Variants in POLR1A observed in about 807,000 individuals in gnomAD.
POLR1A encodes DNA-directed RNA polymerase I subunit RPA1.
In POLR1A, 84 loss-of-function variants were observed where a neutral mutation model predicts 205.3. The ratio of observed to expected loss-of-function variants is 0.41; its 90% CI spans 0.34 to 0.49. The LOEUF (loss-of-function observed/expected upper bound fraction) is 0.49. POLR1A is among the 20% of genes least tolerant of loss of function. POLR1A has a pLI of 0.22. For missense variants in POLR1A, 1,645 were observed against 2,204.5 expected, an observed-to-expected ratio of 0.75 and a Z score of 5.08; for synonymous variants, 799 against 863.7, an observed-to-expected ratio of 0.93 and a Z score of 1.31.
chr2:86,104,446 A>AG (rs1673880020), intron 1 of POLR1A, among the ~76,000 whole-genome samples: 1 of 97,878 alleles, frequency 1.0e-5, no homozygotes, highest in African/African-American at 3.7e-5. Flanking sequence ...TGCCGTGTTG[A>AG]GTTTTTTTTT....
chr2:86,032,456 C>A, intron 28 of POLR1A, 74 bp from the exon 29 acceptor site: 1 of 1,054,684 alleles, frequency 9.5e-7, no homozygotes. Flanking sequence ...CATCCACCCA[C>A]CAACCCATCC....
chr2:86,100,532 TGTC>T (rs1673799408), intron 1 of POLR1A, among the ~76,000 whole-genome samples: 1 of 149,864 alleles, frequency 6.7e-6, no homozygotes, highest in African/African-American at 2.5e-5. Context: ...AGCATTATTC[TGTC>T]TTTTTTTTTT....
rs1379075914 is a variant in POLR1A, at chr2:86,032,348, T to C, written c.4196A>G (p.His1399Arg). ...EQEGDEEEEG[H>R]IVDAEAEEGD... ...CTCCTCAGCTTCAGCATCCACAATG[T>C]GCCCCTCCTCTTCCTCATCACCCTC... The change falls in exon 29 of 34, where the codon CAC (histidine) becomes CGC (arginine). Residue 1399 changes from histidine (H) to arginine (R), a missense_variant. His to Arg is a conservative substitution (Grantham distance 29). Transcript: ENST00000263857. 1 of 1,613,396 alleles carries C rather than the reference T, an allele frequency of 6.2e-7. No individual in the cohort carries two copies. The highest frequency in any genetic ancestry group is 8.5e-7 in the Non-Finnish European group (1 of 1,179,550).
intron 6 of POLR1A, 135 bp from the exon 7 acceptor site, chr2:86,083,303 G>T: frequency 1.5e-6 from 1 of 667,142 alleles, no homozygotes; most frequent in Non-Finnish European, 2.7e-6. Context: ...CATATTATCA[G>T]GCCTGGATTC....
At chr2:86,051,996 G>A (rs1672810926) in intron 16 of POLR1A, among the ~76,000 whole-genome samples, 2 of 152,244 alleles carry the variant, frequency 1.3e-5, no homozygotes, top group South Asian at 4.1e-4. Flanking sequence ...CCAGGCTGGA[G>A]TGCAATGGCA....
chr2:86,037,237 G>T (rs922379571), intron 27 of POLR1A, among the ~76,000 whole-genome samples: 3 of 152,238 alleles, frequency 2.0e-5, no homozygotes, highest in South Asian at 2.1e-4. Context: ...TCGACAGAAG[G>T]AATGTTCTCA....
At chr2:86,044,492 C>T in intron 21 of POLR1A, 188 bp from the exon 22 acceptor site, 1 of 621,562 alleles carries the variant, frequency 1.6e-6, no homozygotes, top group Non-Finnish European at 2.8e-6. Context: ...CAGCCAGGGG[C>T]TGCATTTCCT....
At chr2:86,035,712 G>A (rs1330312362) in intron 27 of POLR1A, among the ~76,000 whole-genome samples, 1 of 152,220 alleles carries the variant, frequency 6.6e-6, no homozygotes, top group Non-Finnish European at 1.5e-5. Flanking sequence ...CACTCTGCCA[G>A]TAACTTCCCT....
chr2:86,057,963 C>G (rs1672925825), intron 14 of POLR1A, among the ~76,000 whole-genome samples: 1 of 152,126 alleles, frequency 6.6e-6, no homozygotes, highest in Non-Finnish European at 1.5e-5. Flanking sequence ...GAGACAGGGT[C>G]TTGCTCTGTC....
rs1014550061 is a variant in POLR1A, at chr2:86,070,354, A to T, written c.1612-82T>A. Reference sequence around the variant, plus strand: ...CTTTCCAAGTGCTCACCTCAGCTTGACCAAGGTGTGGCTTTTGTCTCACGT... The same window carrying T: ...CTTTCCAAGTGCTCACCTCAGCTTGTCCAAGGTGTGGCTTTTGTCTCACGT... On this transcript the variant is annotated intron_variant, in intron 12 of 33. Coordinates refer to ENST00000263857, the MANE Select transcript of POLR1A (RefSeq NM_015425.6). The surrounding 1 kb of genome is among the most constrained non-coding windows in gnomAD (Gnocchi z 4.4). The T allele has an allele frequency of 6.3e-6, 9 of 1,436,320 alleles. 1 individual carries two copies. In the Admixed American group the frequency reaches 1.8e-4, roughly 28 times the overall value. 89.0% of individuals were successfully genotyped at this position (1,436,320 alleles called of 1,614,324 possible). A position where few individuals can be genotyped will look rare whatever the true frequency, so the allele number is the denominator to read the frequency against.
chr2:86,081,492 G>T, intron 8 of POLR1A, 109 bp downstream of exon 8: 1 of 662,990 alleles, frequency 1.5e-6, no homozygotes, highest in Non-Finnish European at 2.6e-6. Flanking sequence ...GAGCGGAACT[G>T]CAGCTTTGTC....
intron 11 of POLR1A, among the ~76,000 whole-genome samples, chr2:86,076,773 A>G (rs1373821429): frequency 6.6e-6 from 1 of 152,232 alleles, no homozygotes; most frequent in African/African-American, 2.4e-5. Context: ...AGCTGGGGAC[A>G]CTGTAGGCAC....
intron 25 of POLR1A, 150 bp from the exon 26 acceptor site, chr2:86,039,612 G>T: frequency 1.0e-6 from 1 of 962,810 alleles, no homozygotes; most frequent in Non-Finnish European, 1.6e-6. Flanking sequence ...GAGAATCCCA[G>T]CTCTGGCCTC....
intron 6 of POLR1A, 23 bp downstream of exon 6, chr2:86,088,543 C>G: frequency 6.6e-7 from 1 of 1,511,132 alleles, no homozygotes; most frequent in Non-Finnish European, 9.2e-7. Context: ...CATGGAGCTC[C>G]TCTCCAGACC....
At chr2:86,076,389 T>C (rs917367361) in intron 11 of POLR1A, among the ~76,000 whole-genome samples, 1 of 152,212 alleles carries the variant, frequency 6.6e-6, no homozygotes, top group Non-Finnish European at 1.5e-5. Context: ...AGAGCATACA[T>C]ATACTTGTCT....
chr2:86,083,374 T>TAA (rs150660361), intron 6 of POLR1A, among the ~76,000 whole-genome samples: 9 of 127,666 alleles, frequency 7.0e-5, no homozygotes, highest in South Asian at 4.9e-4. Context: ...GTATAAAACC[T>TAA]AAAAAAAAAA....
In POLR1A at chr2:86,031,357, G is replaced by A. The variant is rs374942254; in HGVS notation, c.4551C>T (p.Tyr1517=). 2.1e-5 allele frequency: 34 copies of A among 1,583,658 alleles called. No individual in the cohort carries two copies. Among genetic ancestry groups the A allele is most frequent in the Non-Finnish European group, 2.8e-5 (32 of 1,162,134 alleles). The change falls in exon 30 of 34, where the codon TAC becomes TAT. Residue 1517 remains tyrosine, a synonymous_variant. Coordinates refer to ENST00000263857, the MANE Select transcript of POLR1A (RefSeq NM_015425.6). ...EIHPFIDDYQ[Y]DTEESLWCQV... The stretch of plus-strand genomic sequence containing the variant: ...GGCACCACAGGCTCTCCTCGGTGTC[G>A]TACTGGTAGTCATCTATGAACGGGT...
At chr2:86,062,988 T>C (rs547928707) in intron 14 of POLR1A, among the ~76,000 whole-genome samples, 7 of 152,128 alleles carry the variant, frequency 4.6e-5, no homozygotes, top group Admixed American at 6.5e-5. Context: ...ATTCAAGAAG[T>C]AGATAACCAA....
intron 3 of POLR1A, among the ~76,000 whole-genome samples, chr2:86,094,072 A>G (rs1336371475): frequency 6.6e-6 from 1 of 152,148 alleles, no homozygotes; most frequent in African/African-American, 2.4e-5. Context: ...TGTTCTTTCA[A>G]CTGGTCCCAT....
Sources: gnomAD v4.1 joint callset for allele counts (sites outside exome capture counted in the v4.1 genomes callset) on GRCh38, gnomAD v4.1.1 for gene constraint, Gnocchi (gnomAD v3.1) non-coding constraint, MANE v1.5 for transcripts, NCBI Gene and HGNC (gene_info 2026-07-23, HGNC 2026-07-21) for gene names.